Variants in ZDHHC11 observed in about 807,000 individuals in gnomAD.
ZDHHC11 encodes zDHHC palmitoyltransferase 11, also known as palmitoyltransferase ZDHHC11.
A neutral mutation model predicts 51.3 loss-of-function variants in ZDHHC11; 44 were observed. The observed-to-expected ratio is 0.86, with a 90% CI of 0.67 to 1.10. ZDHHC11 has a LOEUF of 1.10. Ranked by LOEUF, ZDHHC11 falls within the 50% of genes least tolerant of loss-of-function variation. The pLI is 0.00. For synonymous variants in ZDHHC11, 163 were observed against 222.0 expected (o/e 0.73, Z 2.36); for missense variants, 400 against 537.7 (o/e 0.74, Z 2.53).
In ZDHHC11 at chr5:835,454, G is replaced by GTC. The variant is rs201289980; in HGVS notation, c.901-1649_901-1648dup. On this transcript the variant is annotated intron_variant, in intron 6 of 12. Coordinates refer to ENST00000283441, the MANE Select transcript of ZDHHC11 (RefSeq NM_024786.3). Reference sequence around the variant, plus strand: ...ACTGTTTTTATTACTGTAGCTTTATGTCTCTCTCTCTGTCAGCGCCACCTG... The same window carrying GTC: ...ACTGTTTTTATTACTGTAGCTTTATGTCTCTCTCTCTCTGTCAGCGCCACCTG... 5.7e-3 allele frequency among the ~76,000 whole-genome samples: 864 copies of GTC among 151,678 alleles called. 14 individuals carry two copies. The highest frequency in any genetic ancestry group is 0.01 in the Middle Eastern group (3 of 290).
chr5:813,144 G>A (rs1740310426), intron 11 of ZDHHC11, among the ~76,000 whole-genome samples: 1 of 143,840 alleles, frequency 7.0e-6, no homozygotes, highest in Non-Finnish European at 1.5e-5. Flanking sequence ...CGAGACCAGT[G>A]TGGGCAACAT....
At chr5:844,468 C>A (rs1435744658) in intron 3 of ZDHHC11, among the ~76,000 whole-genome samples, 27 of 152,288 alleles carry the variant, frequency 1.8e-4, no homozygotes, top group Admixed American at 1.8e-3. Context: ...GGGGCCTCTG[C>A]CCGCACCTCC....
At chr5:828,260 C>T (rs2150353864) in intron 7 of ZDHHC11, among the ~76,000 whole-genome samples, 1 of 151,576 alleles carries the variant, frequency 6.6e-6, no homozygotes, top group Non-Finnish European at 1.5e-5. Flanking sequence ...GGTACACCTT[C>T]CAGACGGGGT....
intron 6 of ZDHHC11, among the ~76,000 whole-genome samples, chr5:834,100 C>CA (rs59549185): frequency 1.3e-5 from 2 of 149,922 alleles, no homozygotes; most frequent in African/African-American, 4.9e-5. Context: ...CTCCCACTAG[C>CA]AAAAAAACGC....
chr5:860,124 CAAGT>C (rs1261705962), upstream of ZDHHC11, among the ~76,000 whole-genome samples: 4 of 152,294 alleles, frequency 2.6e-5, no homozygotes, highest in East Asian at 5.8e-4. The surrounding 1 kb of genome is among the most constrained non-coding windows in gnomAD (Gnocchi z 4.2). Flanking sequence ...ACGAGGTACA[CAAGT>C]AAGAGGAACA....
intron 7 of ZDHHC11, among the ~76,000 whole-genome samples, chr5:829,461 A>G (rs1225349462): frequency 6.6e-6 from 1 of 151,982 alleles, no homozygotes; most frequent in African/African-American, 2.4e-5. Context: ...AAGAAATAGA[A>G]ACTCTTAACA....
rs1745554612 is a variant in ZDHHC11 at position 843,867 on chromosome 5, C to CG, written c.504-144dup. On this transcript the variant is annotated intron_variant, in intron 3 of 12. Coordinates refer to ENST00000283441, the MANE Select transcript of ZDHHC11 (RefSeq NM_024786.3). Reference sequence around the variant, plus strand: ...TGGGGGGCACAGCGGCAGGGGCATGCGGGGCATGTGGGACAGGTGTGGGGG... The same window carrying CG: ...TGGGGGGCACAGCGGCAGGGGCATGCGGGGGCATGTGGGACAGGTGTGGGGG... The CG allele has an allele frequency of 1.4e-5, 3 of 213,668 alleles. No homozygotes were observed. In the Admixed American group the frequency reaches 2.0e-4, roughly 14 times the overall value. The allele number at this position is 213,668 out of a possible 1,614,324, so 13.2% of individuals were successfully genotyped here. A position where few individuals can be genotyped will look rare whatever the true frequency, so the allele number is the denominator to read the frequency against.
At chr5:858,999 G>A (rs911730175), upstream of ZDHHC11, among the ~76,000 whole-genome samples, 3 of 152,070 alleles carry the variant, frequency 2.0e-5, no homozygotes, top group Non-Finnish European at 2.9e-5. Flanking sequence ...TGCCCTGGTC[G>A]ACACGGTAGC....
chr5:858,674 C>T (rs1560877950), intron 1 of ZDHHC11, among the ~76,000 whole-genome samples: 1 of 152,168 alleles, frequency 6.6e-6, no homozygotes, highest in Non-Finnish European at 1.5e-5. Flanking sequence ...CTGGAAGCCA[C>T]CCCACCCTGG....
chr5:850,045 A>T (rs1330949609), intron 1 of ZDHHC11, among the ~76,000 whole-genome samples: 1 of 152,178 alleles, frequency 6.6e-6, no homozygotes, highest in Non-Finnish European at 1.5e-5. Flanking sequence ...GGGCAAGGAG[A>T]AAGGTGCTGG....
chr5:822,308 C>T (rs201056325), intron 8 of ZDHHC11, among the ~76,000 whole-genome samples: 34,940 of 149,892 alleles, frequency 0.23, 6,689 homozygotes, highest in African/African-American at 0.51. Flanking sequence ...AACAGGTGGC[C>T]ATCTACAAGG....
chr5:823,598 C>T (rs561603152), intron 8 of ZDHHC11: 1 of 166,672 alleles, frequency 6.0e-6, no homozygotes, highest in Non-Finnish European at 1.3e-5. Flanking sequence ...AGTGAAGTCA[C>T]GTGCATTTTC....
chr5:818,776 G>A (rs1170771372), intron 10 of ZDHHC11, among the ~76,000 whole-genome samples: 3 of 151,502 alleles, frequency 2.0e-5, no homozygotes, highest in South Asian at 2.1e-4. Context: ...TGGGAAGATC[G>A]CTTGAGCCCA....
chr5:814,730 C>A (rs373922992), intron 11 of ZDHHC11, 31 bp downstream of exon 11: 3 of 1,541,116 alleles, frequency 1.9e-6, no homozygotes, highest in East Asian at 2.4e-5. Context: ...TAGAGACAGA[C>A]AAAACGTTCC....
chr5:816,900 G>C, intron 10 of ZDHHC11: 1 of 437,128 alleles, frequency 2.3e-6, no homozygotes, highest in Non-Finnish European at 4.5e-6. Context: ...CCAAGTCTAT[G>C]GCTGAATTTT....
chr5:851,450 G>A (rs1747224016), upstream of ZDHHC11, among the ~76,000 whole-genome samples: 5 of 152,206 alleles, frequency 3.3e-5, no homozygotes, highest in South Asian at 8.3e-4. Context: ...CTCTACAGAG[G>A]AGGGTTAGGA....
At chr5:827,371 C>T (rs1272931986) in intron 7 of ZDHHC11, among the ~76,000 whole-genome samples, 3 of 150,912 alleles carry the variant, frequency 2.0e-5, no homozygotes, top group African/African-American at 7.3e-5. Flanking sequence ...TAAAACAGTA[C>T]CTCACATCCA....
chr5:816,791 G>C, intron 10 of ZDHHC11: 2 of 480,454 alleles, frequency 4.2e-6, no homozygotes, highest in East Asian at 9.4e-5. Flanking sequence ...GATGCTATTT[G>C]GGAGCTGCCC....
chr5:854,830 G>C (rs1379852546), upstream of ZDHHC11, among the ~76,000 whole-genome samples: 11 of 144,936 alleles, frequency 7.6e-5, no homozygotes, highest in South Asian at 2.2e-4. Flanking sequence ...CAGCGAGCCG[G>C]GGGGCACAGA....
Sources: gnomAD v4.1 joint callset for allele counts (sites outside exome capture counted in the v4.1 genomes callset) on GRCh38, gnomAD v4.1.1 for gene constraint, Gnocchi (gnomAD v3.1) non-coding constraint, MANE v1.5 for transcripts, NCBI Gene and HGNC (gene_info 2026-07-23, HGNC 2026-07-21) for gene names.